CTC1: variants seen among roughly 807,000 people sequenced by gnomAD.
CTC1 encodes CST complex subunit CTC1.
In CTC1, 91 loss-of-function variants were observed where a neutral mutation model predicts 136.3. The ratio of observed to expected loss-of-function variants is 0.67; its 90% CI spans 0.56 to 0.79. The LOEUF (loss-of-function observed/expected upper bound fraction) is 0.79, where lower values mean the gene tolerates loss of function less well. Ranked by LOEUF, CTC1 falls within the 30% of genes least tolerant of loss-of-function variation. The pLI is 0.00. For missense variants in CTC1, 1,432 were observed against 1,498.1 expected, an observed-to-expected ratio of 0.96 and a Z score of 0.73; for synonymous variants, 606 against 613.8, an observed-to-expected ratio of 0.99 and a Z score of 0.19.
chr17:8,235,847 G>C lies in CTC1; in HGVS notation c.1190C>G (p.Pro397Arg). ...CTCACATACCTGCAGACACACTCCAGGTCGCATCACCCGCCTAAGGCCACG... is the reference window on the plus strand; with the variant it reads ...CTCACATACCTGCAGACACACTCCACGTCGCATCACCCGCCTAAGGCCACG... ...QFRGLRRVMR[P>R]GVCLQLQDVH... The change falls in exon 7 of 23, where the codon CCT becomes CGT. Residue 397 changes from proline to arginine, a missense_variant. By Grantham distance (103) the Pro-to-Arg change is moderately radical. Transcript: ENST00000651323. The C allele has an allele frequency of 6.2e-7, 1 of 1,612,520 alleles. No individual in the cohort carries two copies. Among genetic ancestry groups the C allele is most frequent in the Non-Finnish European group, 8.5e-7 (1 of 1,178,902 alleles).
At position 8,232,217 on chromosome 17, in the gene CTC1, G is replaced by A. The variant is rs367943020; in HGVS notation, c.2071C>T (p.Gln691Ter). 2.0e-6 allele frequency: 3 copies of A among 1,531,062 alleles called. No homozygotes were observed. The highest frequency in any genetic ancestry group is 2.3e-5 in the East Asian group (1 of 44,308). The allele number at this position is 1,531,062 out of a possible 1,614,324, so 94.8% of individuals were successfully genotyped here. A position where few individuals can be genotyped will look rare whatever the true frequency, so the allele number is the denominator to read the frequency against. The change falls in exon 13 of 23, where the codon CAG becomes TAG. Residue 691 changes from glutamine to a stop codon, truncating the protein, a stop_gained. Coordinates refer to ENST00000651323, the MANE Select transcript of CTC1 (RefSeq NM_025099.6). LOFTEE classifies it high-confidence loss of function. The stretch of plus-strand genomic sequence containing the variant: ...ATCAGGGCATCAGCCAGAAAGAACT[G>A]GACATAGACTCTGTTGGGAGAGACA... ...IQKQQARVYV[Q>*]FFLADALILP...
chr17:8,247,912 G>A, intron 1 of CTC1, 92 bp downstream of exon 1: 1 of 1,376,376 alleles, frequency 7.3e-7, no homozygotes, highest in Non-Finnish European at 1.0e-6. Context: ...CGGCCAGCGA[G>A]CCCAGAGAGA....
chr17:8,230,424 G>A lies in CTC1; in HGVS notation c.2803C>T (p.Leu935Phe), dbSNP rs542477730. The change falls in exon 17 of 23, where the codon CTT (leucine) becomes TTT (phenylalanine). Residue 935 changes from leucine (L) to phenylalanine (F), a missense_variant. By Grantham distance (22) the Leu-to-Phe change is conservative. Coordinates refer to ENST00000651323, the MANE Select transcript of CTC1 (RefSeq NM_025099.6). Reference protein sequence around the residue: ...MRRCVKLTVALETAECEFPPH... With the variant: ...MRRCVKLTVAFETAECEFPPH... ...GGGAATTCACATTCAGCAGTCTCAA[G>A]AGCGACTGTTAGCTTCACACACCTT... 85 of 1,614,138 alleles carry A rather than the reference G, an allele frequency of 5.3e-5. No homozygotes were observed. In the Admixed American group the frequency reaches 1.2e-3, roughly 23 times the overall value.
At chr17:8,233,847 A>G (rs935284238) in intron 10 of CTC1, among the ~76,000 whole-genome samples, 8 of 152,134 alleles carry the variant, frequency 5.3e-5, no homozygotes, top group Admixed American at 5.2e-4. Flanking sequence ...TGAGGTGGGA[A>G]GATCACTGGA....
rs1987062062 is a variant in CTC1 at position 8,229,898 on chromosome 17, T to C, written c.3004A>G (p.Thr1002Ala). ...VQVLSFPPET[T>A]ISIPLPHIYL... Reference sequence around the variant, plus strand: ...TGGGGTCTGGGCACTGACCTGATGGTGGTCTCAGGGGGAAAACTCAGGACC... The same window carrying C: ...TGGGGTCTGGGCACTGACCTGATGGCGGTCTCAGGGGGAAAACTCAGGACC... Residue 1002 changes from threonine to alanine, a missense_variant, in exon 18 of 23, where the codon ACC (threonine) becomes GCC (alanine). By Grantham distance (58) the Thr-to-Ala change is moderately conservative. Transcript: ENST00000651323. 4 of 1,613,792 alleles carry C rather than the reference T, an allele frequency of 2.5e-6. No individual in the cohort carries two copies. In the African/African-American group the frequency reaches 5.3e-5, roughly 22 times the overall value.
chr17:8,241,731 T>A (rs918826928), intron 2 of CTC1, among the ~76,000 whole-genome samples: 6 of 150,886 alleles, frequency 4.0e-5, no homozygotes, highest in Non-Finnish European at 5.9e-5. Flanking sequence ...CATGCACCTG[T>A]GGTCCTAGCT....
chr17:8,232,086 C>G lies in CTC1; in HGVS notation c.2202G>C (p.Leu734Phe). Residue 734 changes from leucine to phenylalanine, a missense_variant, in exon 13 of 23, where the codon TTG (leucine) becomes TTC (phenylalanine). Physicochemically the swap from Leu to Phe is conservative, Grantham distance 22 (BLOSUM62 0). Transcript: ENST00000651323. ...TCATGAGGGCCTCCTTGTGGCAGAG[C>G]AAGAAGAGCCGGCTCTGTCCTAGGT... is the stretch of plus-strand genomic sequence containing the variant. The part of the protein sequence containing the change: ...GPHLGQSRLF[L>F]LCHKEALMKR... 6.4e-7 allele frequency: 1 copy of G among 1,553,000 alleles called. No homozygotes were observed. The highest frequency in any genetic ancestry group is 8.7e-7 in the Non-Finnish European group (1 of 1,154,988).
rs751757398 is a variant in CTC1, at chr17:8,228,537, C to G, written c.3480G>C (p.Glu1160Asp). ...CGATCTTCGACGGTTTCCTTTCCAG[C>G]TCAAAAGAAAGCACAATAGGACGGA... The part of the protein sequence containing the change: ...SVLRPIVLSF[E>D]LERKPSKIVP... Residue 1160 changes from glutamate (E) to aspartate (D), a missense_variant, in exon 22 of 23, where the codon GAG (glutamate) becomes GAC (aspartate). By Grantham distance (45) the Glu-to-Asp change is conservative. Coordinates refer to ENST00000651323, the MANE Select transcript of CTC1 (RefSeq NM_025099.6). 6.2e-7 allele frequency: 1 copy of G among 1,614,110 alleles called. No individual in the cohort carries two copies. Among genetic ancestry groups the G allele is most frequent in the Non-Finnish European group, 8.5e-7 (1 of 1,180,006 alleles).
chr17:8,242,855 G>T, intron 2 of CTC1, 130 bp downstream of exon 2: 1 of 672,544 alleles, frequency 1.5e-6, no homozygotes, highest in South Asian at 2.8e-5. Context: ...TGCAGAAGGG[G>T]TATGTTTAGA....
At position 8,247,881 on chromosome 17, in the gene CTC1, C is replaced by T. The variant is rs961315551; in HGVS notation, c.33+123G>A. 6 of 948,694 alleles carry T rather than the reference C, an allele frequency of 6.3e-6. No individual in the cohort carries two copies. In the East Asian group the frequency reaches 1.6e-4, roughly 25 times the overall value. The allele number at this position is 948,694 out of a possible 1,614,324, so 58.8% of individuals were successfully genotyped here. A position where few individuals can be genotyped will look rare whatever the true frequency, so the allele number is the denominator to read the frequency against. ...GGTAGGAGCGGACCGACTCACAACC[C>T]CCTCACCCATGGGCCGGACGCGGCC... On this transcript the variant is annotated intron_variant, in intron 1 of 22. Transcript: ENST00000651323.
chr17:8,230,293 C>G lies in CTC1; in HGVS notation c.2933+1G>C. Reference sequence around the variant, plus strand: ...AGGCAGGTGACACTACACATCTTCACCTGGAAACCCTTTTCTCCAACTGGC... The same window carrying G: ...AGGCAGGTGACACTACACATCTTCAGCTGGAAACCCTTTTCTCCAACTGGC... On this transcript the variant is annotated splice_donor_variant, in intron 17 of 22. Transcript: ENST00000651323. LOFTEE classifies it high-confidence loss of function. 6.2e-7 allele frequency: 1 copy of G among 1,608,968 alleles called. No individual in the cohort carries two copies. The highest frequency in any genetic ancestry group is 8.5e-7 in the Non-Finnish European group (1 of 1,178,148).
At position 8,226,965 on chromosome 17, in the gene CTC1, A is replaced by C. The variant is rs763592268; in HGVS notation, c.*1215T>G. 3 of 152,340 alleles carry C rather than the reference A, an allele frequency of 2.0e-5. No homozygotes were observed. Among genetic ancestry groups the C allele is most frequent in the Non-Finnish European group, 4.4e-5 (3 of 68,014 alleles). 9.4% of individuals were successfully genotyped at this position (152,340 alleles called of 1,614,324 possible). A position where few individuals can be genotyped will look rare whatever the true frequency, so the allele number is the denominator to read the frequency against. ...ATAACAGCAGAGGGTCAGAAAACAA[A>C]ACACACACAAAAAAAAGCCACCCAC... is the stretch of plus-strand genomic sequence containing the variant. On this transcript the variant is annotated 3_prime_UTR_variant, in exon 23 of 23. Transcript: ENST00000651323.
chr17:8,245,873 G>A (rs368788326), intron 1 of CTC1, among the ~76,000 whole-genome samples: 5,331 of 135,078 alleles, frequency 0.039, 26 homozygotes, highest in East Asian at 0.12. Context: ...GTTGAGACCC[G>A]CCTGGGCAAC....
Position 8,238,127 on chromosome 17 carries a change from G to A in CTC1, c.551C>T (p.Ala184Val). ...SGEGHLELWD[A>V]PVPVFPLTIS... ...GGTCAAAGGAAACACTGGCACAGGGGCATCCCACAGCTCCAAGTGCCCTTC... is the reference window on the plus strand; with the variant it reads ...GGTCAAAGGAAACACTGGCACAGGGACATCCCACAGCTCCAAGTGCCCTTC... Residue 184 changes from alanine to valine, a missense_variant, in exon 4 of 23, where the codon GCC becomes GTC. Coordinates refer to ENST00000651323, the MANE Select transcript of CTC1 (RefSeq NM_025099.6). 1 of 1,614,152 alleles carries A rather than the reference G, an allele frequency of 6.2e-7. No individual in the cohort carries two copies. The highest frequency in any genetic ancestry group is 8.5e-7 in the Non-Finnish European group (1 of 1,179,996).
chr17:8,230,496 G>A, intron 16 of CTC1, 28 bp from the exon 17 acceptor site: 27 of 1,613,584 alleles, frequency 1.7e-5, no homozygotes, highest in Non-Finnish European at 2.2e-5. Context: ...GTGTTAGTAG[G>A]ATCTGTGAAG....
Position 8,238,577 on chromosome 17 carries a change from G to A in CTC1, c.250C>T (p.His84Tyr). The A allele has an allele frequency of 6.2e-7, 1 of 1,613,900 alleles. No homozygotes were observed. Among genetic ancestry groups the A allele is most frequent in the South Asian group, 1.1e-5 (1 of 91,046 alleles). ...KTHQRLPCCSHLSWSSSAYQA... is the reference protein window; with the variant it reads ...KTHQRLPCCSYLSWSSSAYQA... The stretch of plus-strand genomic sequence containing the variant: ...TATGCACTACTGCTCCACGACAGGT[G>A]GCTGCAGCATGGGAGACGCTGGTGA... Residue 84 changes from histidine (H) to tyrosine (Y), a missense_variant, in exon 3 of 23, where the codon CAC becomes TAC. By Grantham distance (83) the His-to-Tyr change is moderately conservative (BLOSUM62 2). Coordinates refer to ENST00000651323, the MANE Select transcript of CTC1 (RefSeq NM_025099.6).
rs761903168 is a variant in CTC1, at chr17:8,236,308, C to T, written c.827G>A (p.Arg276Gln). 1.8e-5 allele frequency: 29 copies of T among 1,610,906 alleles called. No individual in the cohort carries two copies. In the South Asian group the frequency reaches 2.3e-4, roughly 13 times the overall value. ...PAQLVWHRAL[R>Q]PGTAYVLTEL... ...TGTCAGCACATAGGCTGTACCAGGC[C>T]GAAGGGCTCTGTGCCACACCAGCTG... Residue 276 changes from arginine to glutamine, a missense_variant, in exon 6 of 23, where the codon CGG becomes CAG. Transcript: ENST00000651323.
Position 8,236,009 on chromosome 17 carries a change from A to G in CTC1, c.1077+49T>C, listed in dbSNP as rs4791626. The stretch of plus-strand genomic sequence containing the variant: ...GACCACTATTTTCTTCCTCTTTGAA[A>G]ACCCACATTTCTGGCCCCTCAAGCT... On this transcript the variant is annotated intron_variant, in intron 6 of 22. Transcript: ENST00000651323. 1,580,381 of 1,598,382 alleles carry G rather than the reference A, an allele frequency of 0.99. 781,392 individuals are homozygous for G. The highest frequency in any genetic ancestry group is 1 in the East Asian group (44,477 of 44,486).
chr17:8,246,052 C>G (rs1228584271), intron 1 of CTC1, among the ~76,000 whole-genome samples: 1 of 149,602 alleles, frequency 6.7e-6, no homozygotes, highest in Admixed American at 6.7e-5. Context: ...TCAAAATTAG[C>G]TGGGTTAGCC....
Sources: allele counts gnomAD v4.1 joint callset (sites outside exome capture counted in the v4.1 genomes callset), GRCh38; gene constraint gnomAD v4.1.1; transcripts MANE v1.5; gene names NCBI Gene and HGNC (gene_info 2026-07-23, HGNC 2026-07-21).